Variants in PARP15 observed in about 807,000 individuals in gnomAD.
The protein encoded by PARP15 is protein mono-ADP-ribosyltransferase PARP15.
In PARP15, 50 loss-of-function variants were observed where a neutral mutation model predicts 62.1. The observed-to-expected ratio is 0.81, with a 90% CI of 0.64 to 1.02. PARP15 has a LOEUF of 1.02. PARP15 is among the 50% of genes least tolerant of loss of function. The pLI, the probability that PARP15 is intolerant of heterozygous loss-of-function variation, is 0.00. For missense variants in PARP15, 820 were observed against 826.5 expected, an observed-to-expected ratio of 0.99 and a Z score of 0.10; for synonymous variants, 309 against 293.1, an observed-to-expected ratio of 1.05 and a Z score of -0.55.
chr3:122,589,537 C>T (rs1933705448), intron 1 of PARP15, among the ~76,000 whole-genome samples: 2 of 152,104 alleles, frequency 1.3e-5, no homozygotes, highest in South Asian at 2.1e-4. Context: ...TTTATATTTC[C>T]ACCAGCAATG....
chr3:122,620,622 G>A (rs1017724878), intron 7 of PARP15, among the ~76,000 whole-genome samples: 5 of 151,572 alleles, frequency 3.3e-5, no homozygotes, highest in African/African-American at 9.7e-5. Flanking sequence ...ACATGAGGAC[G>A]TTAGCAGGTG....
Position 122,636,297 on chromosome 3 carries a change from G to A in PARP15, c.*197G>A. On this transcript the variant is annotated 3_prime_UTR_variant, in exon 12 of 12. Coordinates refer to ENST00000464300, the MANE Select transcript of PARP15 (RefSeq NM_001113523.3). Reference sequence around the variant, plus strand: ...TTTCTCAGCAAATTGATGGGTGGAAGCTGAGAAATGTATGGTAAATGTCAC... The same window carrying A: ...TTTCTCAGCAAATTGATGGGTGGAAACTGAGAAATGTATGGTAAATGTCAC... The A allele has an allele frequency of 1.8e-6, 1 of 570,136 alleles. No homozygotes were observed. 35.3% of individuals were successfully genotyped at this position (570,136 alleles called of 1,614,324 possible).
intron 1 of PARP15, among the ~76,000 whole-genome samples, chr3:122,596,024 C>T (rs1934310932): frequency 1.3e-5 from 2 of 152,032 alleles, no homozygotes; most frequent in Middle Eastern, 3.2e-3. Context: ...TATCTATGCT[C>T]ATTGCCCAGA....
At chr3:122,615,350 A>G (rs1348200011) in intron 4 of PARP15, 4 of 1,292,812 alleles carry the variant, frequency 3.1e-6, no homozygotes, top group Non-Finnish European at 4.0e-6. Flanking sequence ...CAACCCCAGA[A>G]TGTACCTAAC....
At chr3:122,629,348 G>A (rs1048856418) in intron 9 of PARP15, among the ~76,000 whole-genome samples, 9 of 152,066 alleles carry the variant, frequency 5.9e-5, no homozygotes, top group African/African-American at 1.9e-4. Context: ...GGCCAGATTG[G>A]TCTCAAATTA....
intron 1 of PARP15, among the ~76,000 whole-genome samples, chr3:122,602,684 T>C (rs1490657531): frequency 6.6e-6 from 1 of 152,244 alleles, no homozygotes; most frequent in East Asian, 1.9e-4. Flanking sequence ...GAGGTTATTT[T>C]GAATTGCTCC....
intron 7 of PARP15, among the ~76,000 whole-genome samples, chr3:122,620,224 T>A (rs1250486704): frequency 1.3e-5 from 2 of 152,178 alleles, no homozygotes; most frequent in Non-Finnish European, 2.9e-5. Context: ...GTTTTGAGGA[T>A]CAGAAGGAAC....
Position 122,638,080 on chromosome 3 carries a change from G to A in PARP15, c.*1980G>A, listed in dbSNP as rs1339431235. On this transcript the variant is annotated 3_prime_UTR_variant, in exon 12 of 12. Coordinates refer to ENST00000464300, the MANE Select transcript of PARP15 (RefSeq NM_001113523.3). The stretch of plus-strand genomic sequence containing the variant: ...TTTTTTGTCCTTGCGATAGTTTGCT[G>A]AGAATGATGGTTTCCAGCTTCATCC... 1 of 152,090 alleles carries A rather than the reference G, an allele frequency of 6.6e-6. No individual in the cohort carries two copies. Among genetic ancestry groups the A allele is most frequent in the African/African-American group, 2.4e-5 (1 of 41,396 alleles). 9.4% of individuals were successfully genotyped at this position (152,090 alleles called of 1,614,324 possible).
At chr3:122,623,335 T>C (rs934454529) in intron 8 of PARP15, among the ~76,000 whole-genome samples, 11 of 152,156 alleles carry the variant, frequency 7.2e-5, no homozygotes, top group Non-Finnish European at 1.6e-4. Context: ...CCTTCAGGAA[T>C]TCATGATTTT....
chr3:122,584,279 T>A (rs1298562317), intron 1 of PARP15, among the ~76,000 whole-genome samples: 3 of 152,198 alleles, frequency 2.0e-5, no homozygotes, highest in Admixed American at 6.5e-5. Context: ...GCTGAGTTTT[T>A]AAAATTATTA....
At chr3:122,607,184 GC>G (rs2107526425) in intron 2 of PARP15, among the ~76,000 whole-genome samples, 1 of 152,310 alleles carries the variant, frequency 6.6e-6, no homozygotes, top group African/African-American at 2.4e-5. Flanking sequence ...AAAGATAATT[GC>G]CATGGCTACT....
intron 1 of PARP15, among the ~76,000 whole-genome samples, chr3:122,592,592 CT>C (rs1404585434): frequency 6.9e-6 from 1 of 144,376 alleles, no homozygotes; most frequent in Non-Finnish European, 1.5e-5. Flanking sequence ...TACCACAGAA[CT>C]TAAAATAAAT....
rs546899122 is a variant in PARP15 at position 122,613,984 on chromosome 3, T to C, written c.771+716T>C. ...TCTTAGCCTCCCTAGTAGCTGGGAT[T>C]ACAGGCATGTGCTACCACGCTCGGC... On this transcript the variant is annotated intron_variant, in intron 4 of 11. Transcript: ENST00000464300. Among the ~76,000 whole-genome samples, 10 of 152,176 alleles carry C rather than the reference T, an allele frequency of 6.6e-5. No homozygotes were observed. The South Asian group carries it at 2.1e-3, about 32-fold the overall frequency.
At chr3:122,597,829 T>C (rs954228906) in intron 1 of PARP15, among the ~76,000 whole-genome samples, 1 of 152,132 alleles carries the variant, frequency 6.6e-6, no homozygotes, top group Non-Finnish European at 1.5e-5. Flanking sequence ...AATCCATGGA[T>C]CCTCAAGTCC....
At chr3:122,578,807 T>C (rs1040013136) in intron 1 of PARP15, among the ~76,000 whole-genome samples, 1 of 152,224 alleles carries the variant, frequency 6.6e-6, no homozygotes, top group Non-Finnish European at 1.5e-5. Context: ...AGAGAGCTGA[T>C]ATCTTTAGGT....
At chr3:122,631,087 G>T (rs1314427767) in intron 9 of PARP15, among the ~76,000 whole-genome samples, 1 of 152,216 alleles carries the variant, frequency 6.6e-6, no homozygotes, top group African/African-American at 2.4e-5. Flanking sequence ...CTTGCCTGCT[G>T]TATTCAGGGG....
At chr3:122,594,893 C>T (rs989092491) in intron 1 of PARP15, 2 of 965,984 alleles carry the variant, frequency 2.1e-6, no homozygotes, top group African/African-American at 3.5e-5. Flanking sequence ...CAATTTTCTT[C>T]AAAAATCCCA....
At position 122,638,052 on chromosome 3, in the gene PARP15, T is replaced by G. The variant is rs1307768506; in HGVS notation, c.*1952T>G. 1 of 152,182 alleles carries G rather than the reference T, an allele frequency of 6.6e-6. No homozygotes were observed. The highest frequency in any genetic ancestry group is 1.5e-5 in the Non-Finnish European group (1 of 68,036). 9.4% of individuals were successfully genotyped at this position (152,182 alleles called of 1,614,324 possible). A position where few individuals can be genotyped will look rare whatever the true frequency, so the allele number is the denominator to read the frequency against. On this transcript the variant is annotated 3_prime_UTR_variant, in exon 12 of 12. Coordinates refer to ENST00000464300, the MANE Select transcript of PARP15 (RefSeq NM_001113523.3). ...CCTGTGAGTGAGAACATGTGGTGTT[T>G]GGTTTTTTGTCCTTGCGATAGTTTG...
At chr3:122,618,138 T>A (rs185705017) in intron 6 of PARP15, among the ~76,000 whole-genome samples, 6 of 152,346 alleles carry the variant, frequency 3.9e-5, no homozygotes, top group Admixed American at 3.9e-4. Context: ...ATTATGGAAC[T>A]TACCATGCAG....
Sources: gnomAD v4.1 joint callset for allele counts (sites outside exome capture counted in the v4.1 genomes callset) on GRCh38, gnomAD v4.1.1 for gene constraint, MANE v1.5 for transcripts, NCBI Gene and HGNC (gene_info 2026-07-23, HGNC 2026-07-21) for gene names.